ARHGAP17: variants seen among roughly 807,000 people sequenced by gnomAD.
ARHGAP17 encodes the protein Rho GTPase activating protein 17, also known as rho GTPase-activating protein 17.
ARHGAP17 carries 57 observed loss-of-function variants against 99.5 expected under a neutral mutation model. That is an observed-to-expected ratio of 0.57 (90% CI 0.46 to 0.71). ARHGAP17 has a LOEUF of 0.71. Ranked by LOEUF, ARHGAP17 falls within the 30% of genes least tolerant of loss-of-function variation. The pLI is 0.00. For synonymous variants in ARHGAP17, 417 were observed against 429.6 expected (o/e 0.97, Z 0.36); for missense variants, 1,000 against 1,122.4 (o/e 0.89, Z 1.56).
At chr16:25,003,337 C>T (rs948302141) in intron 1 of ARHGAP17, among the ~76,000 whole-genome samples, 13 of 145,078 alleles carry the variant, frequency 9.0e-5, no homozygotes, top group African/African-American at 3.3e-4. Context: ...CAGGTTCAAG[C>T]GATTCTCGTG....
At chr16:24,993,094 C>T (rs1287321901) in intron 1 of ARHGAP17, among the ~76,000 whole-genome samples, 3 of 152,132 alleles carry the variant, frequency 2.0e-5, no homozygotes, top group South Asian at 2.1e-4. Context: ...AAAATCTTAA[C>T]GTGCTGGCAT....
At chr16:24,934,848 A>T (rs2051091285) in intron 18 of ARHGAP17, among the ~76,000 whole-genome samples, 1 of 152,164 alleles carries the variant, frequency 6.6e-6, no homozygotes, top group Non-Finnish European at 1.5e-5. Context: ...TAAGGAGGGG[A>T]TGAACTTAGT....
At chr16:24,962,364 AC>A (rs1476962043) in intron 7 of ARHGAP17, among the ~76,000 whole-genome samples, 2 of 152,200 alleles carry the variant, frequency 1.3e-5, no homozygotes, top group Admixed American at 6.5e-5. Flanking sequence ...TCTCAACGAA[AC>A]AACAGATTAG....
chr16:24,953,735 A>G, intron 10 of ARHGAP17, among the ~76,000 whole-genome samples: 1 of 152,168 alleles, frequency 6.6e-6, no homozygotes, highest in East Asian at 1.9e-4. Context: ...GAATGGACGA[A>G]TACACATGGC....
intron 19 of ARHGAP17, among the ~76,000 whole-genome samples, chr16:24,923,940 A>G (rs887367482): frequency 1.3e-5 from 2 of 152,086 alleles, no homozygotes; most frequent in South Asian, 2.1e-4. Flanking sequence ...AAGGTTCTAG[A>G]AGATTTACTT....
chr16:24,959,786 A>G, intron 8 of ARHGAP17, 34 bp from the exon 9 acceptor site: 1 of 1,611,308 alleles, frequency 6.2e-7, no homozygotes, highest in Non-Finnish European at 8.5e-7. Flanking sequence ...AACAAAAGTA[A>G]CGTTAGCATC....
intron 3 of ARHGAP17, 128 bp downstream of exon 3, chr16:24,977,087 C>T (rs577217938): frequency 2.7e-5 from 15 of 554,006 alleles, no homozygotes; most frequent in East Asian, 2.3e-4. Flanking sequence ...GTGTCATGAG[C>T]GTGCTTGGTG....
chr16:24,936,091 C>T (rs914819915), intron 17 of ARHGAP17: 2 of 269,126 alleles, frequency 7.4e-6, no homozygotes, highest in Admixed American at 5.1e-5. Flanking sequence ...TTGGGCAGTA[C>T]TTAATACCAT....
intron 18 of ARHGAP17, among the ~76,000 whole-genome samples, chr16:24,931,605 A>C (rs1384925866): frequency 6.6e-6 from 1 of 152,024 alleles, no homozygotes; most frequent in Admixed American, 6.6e-5. Flanking sequence ...GACAAACACA[A>C]ATTGAAGGCC....
In ARHGAP17 at chr16:24,943,754, A is replaced by C; in HGVS notation, c.1333+17T>G. 6.2e-7 allele frequency: 1 copy of C among 1,608,174 alleles called. No homozygotes were observed. Among genetic ancestry groups the C allele is most frequent in the Non-Finnish European group, 8.5e-7 (1 of 1,174,606 alleles). ...TCACATTGCTTTGGCGGTCAATGAA[A>C]CTGAAGTGAGAATTACCTTCAGGGA... On this transcript the variant is annotated intron_variant, in intron 15 of 19. Coordinates refer to ENST00000289968, the MANE Select transcript of ARHGAP17 (RefSeq NM_001006634.3).
rs1040373421 is a variant in ARHGAP17, at chr16:24,937,133, A to G, written c.1725-1494T>C. On this transcript the variant is annotated intron_variant, in intron 17 of 19. Transcript: ENST00000289968. ...CCCTGTCTGAAAAAAAAAAAACAACAAAAAACAGGCCGGGGCAGTAGCTCA... is the reference window on the plus strand; with the variant it reads ...CCCTGTCTGAAAAAAAAAAAACAACGAAAAACAGGCCGGGGCAGTAGCTCA... 9.6e-5 allele frequency among the ~76,000 whole-genome samples: 14 copies of G among 145,440 alleles called. 1 individual carries two copies. Among genetic ancestry groups the G allele is most frequent in the African/African-American group, 3.3e-4 (12 of 36,396 alleles).
chr16:25,013,332 A>G, intron 1 of ARHGAP17, among the ~76,000 whole-genome samples: 1 of 152,178 alleles, frequency 6.6e-6, no homozygotes, highest in East Asian at 1.9e-4. Context: ...GAATTTTAAA[A>G]TGTGAAGGTG....
chr16:24,995,990 G>A (rs2053182148), intron 1 of ARHGAP17, among the ~76,000 whole-genome samples: 1 of 152,006 alleles, frequency 6.6e-6, no homozygotes, highest in South Asian at 2.1e-4. Flanking sequence ...AACCTCTCCA[G>A]TATCTGGGAC....
At position 24,963,303 on chromosome 16, in the gene ARHGAP17, T is replaced by G. The variant is rs188658178; in HGVS notation, c.573+894A>C. 3.3e-5 allele frequency among the ~76,000 whole-genome samples: 5 copies of G among 152,228 alleles called. No individual in the cohort carries two copies. In the South Asian group the frequency reaches 8.3e-4, roughly 25 times the overall value. On this transcript the variant is annotated intron_variant, in intron 7 of 19. Transcript: ENST00000289968. ...TTAGTTTTAATTTCTACCCACTATA[T>G]TATTTTTATATTTTTCTTATATTTC...
chr16:24,954,749 C>T lies in ARHGAP17; in HGVS notation c.725-19G>A. The stretch of plus-strand genomic sequence containing the variant: ...CACTTATCTAGAGCAGCAAATTGTT[C>T]AGTTAGACACCCAACAAACTCACGG... On this transcript the variant is annotated intron_variant, in intron 9 of 19. Transcript: ENST00000289968. The T allele has an allele frequency of 6.2e-7, 1 of 1,612,212 alleles. No homozygotes were observed. Among genetic ancestry groups the T allele is most frequent in the Admixed American group, 1.7e-5 (1 of 59,770 alleles).
At chr16:25,006,449 CAAA>C (rs1032093076) in intron 1 of ARHGAP17, among the ~76,000 whole-genome samples, 4 of 74,480 alleles carry the variant, frequency 5.4e-5, no homozygotes, top group Non-Finnish European at 8.5e-5. Flanking sequence ...GACTCCGTCT[CAAA>C]AAAAAAAAAA....
intron 19 of ARHGAP17, among the ~76,000 whole-genome samples, chr16:24,927,961 C>A (rs1425534505): frequency 6.6e-6 from 1 of 152,104 alleles, no homozygotes; most frequent in Non-Finnish European, 1.5e-5. Flanking sequence ...ATAATCTCCC[C>A]CCAAGAGTTT....
In ARHGAP17 at chr16:24,944,000, T is replaced by C. The variant is rs990475402; in HGVS notation, c.1242-138A>G. ...AAAAATCAAAATCACTGGCCGGGTG[T>C]GGTGGCTCACACCTGTAACCCCAGC... is the stretch of plus-strand genomic sequence containing the variant. On this transcript the variant is annotated intron_variant, in intron 14 of 19. Coordinates refer to ENST00000289968, the MANE Select transcript of ARHGAP17 (RefSeq NM_001006634.3). 4 of 799,082 alleles carry C rather than the reference T, an allele frequency of 5.0e-6. 1 individual carries two copies. The African/African-American group carries it at 6.9e-5, about 14-fold the overall frequency. The allele number at this position is 799,082 out of a possible 1,614,324, so 49.5% of individuals were successfully genotyped here.
chr16:24,995,240 T>C (rs775649703), intron 1 of ARHGAP17, among the ~76,000 whole-genome samples: 1 of 152,174 alleles, frequency 6.6e-6, no homozygotes, highest in Admixed American at 6.5e-5. Flanking sequence ...AGCCAAACCA[T>C]GTCATACCCA....
Sources: gnomAD v4.1 joint callset for allele counts (sites outside exome capture counted in the v4.1 genomes callset) on GRCh38, gnomAD v4.1.1 for gene constraint, MANE v1.5 for transcripts, NCBI Gene and HGNC (gene_info 2026-07-23, HGNC 2026-07-21) for gene names.